The following STAU1 variants were observed in gnomAD, a reference collection of about 807,000 sequenced individuals.
STAU1 encodes staufen double-stranded RNA binding protein 1.
In STAU1, 13 loss-of-function variants were observed where a neutral mutation model predicts 62.9. The observed-to-expected ratio is 0.21, with a 90% confidence interval of 0.13 to 0.33. The LOEUF (loss-of-function observed/expected upper bound fraction) is 0.33. STAU1 is among the 10% of genes least tolerant of loss of function. The pLI, the probability that STAU1 is intolerant of heterozygous loss-of-function variation, is 1.00. For synonymous variants in STAU1, 269 were observed against 265.1 expected, an observed-to-expected ratio of 1.01 and a Z score of -0.14; for missense variants, 571 against 712.1, an observed-to-expected ratio of 0.80 and a Z score of 2.25.
chr20:49,206,155 T>G, the STAU1 span, among the ~76,000 whole-genome samples: 1 of 150,568 alleles, frequency 6.6e-6, no homozygotes, highest in East Asian at 2.0e-4. Flanking sequence ...GCTGATTTTT[T>G]TTTTTTTTTT....
chr20:49,177,560 T>A (rs1156650831), intron 1 of STAU1, among the ~76,000 whole-genome samples: 1 of 151,906 alleles, frequency 6.6e-6, no homozygotes, highest in Admixed American at 6.6e-5. Flanking sequence ...GCGCCTGTAG[T>A]CTCAGCTACT....
At chr20:49,135,526 C>T (rs2092859796) in intron 6 of STAU1, among the ~76,000 whole-genome samples, 1 of 152,154 alleles carries the variant, frequency 6.6e-6, no homozygotes, top group Non-Finnish European at 1.5e-5. Flanking sequence ...CTAGCCCCTC[C>T]ACCCTTCCCT....
the STAU1 span, among the ~76,000 whole-genome samples, chr20:49,194,564 C>T: frequency 6.6e-6 from 1 of 152,012 alleles, no homozygotes; most frequent in East Asian, 1.9e-4. Context: ...TTCGAGGCTG[C>T]AGAGAACTAT....
At chr20:49,170,543 G>C (rs2093583888) in intron 2 of STAU1, among the ~76,000 whole-genome samples, 1 of 151,998 alleles carries the variant, frequency 6.6e-6, no homozygotes, top group African/African-American at 2.4e-5. Flanking sequence ...AGTAGAAATG[G>C]GGTTTCACCA....
At position 49,114,912 on chromosome 20, in the gene STAU1, A is replaced by C. The variant is rs957345057; in HGVS notation, c.1719-19T>G. 1.9e-6 allele frequency: 3 copies of C among 1,612,200 alleles called. No individual in the cohort carries two copies. The African/African-American group carries it at 4.0e-5, about 22-fold the overall frequency. ...CCCACACCTTTAAGGAAGAAAAATG[A>C]AAATGACACTAGTTTTGAAATGTAA... On this transcript the variant is annotated intron_variant, in intron 13 of 13. Transcript: ENST00000371856.
Position 49,117,366 on chromosome 20 carries a change from A to C in STAU1, c.1510-118T>G. 1.5e-6 allele frequency: 2 copies of C among 1,319,772 alleles called. No homozygotes were observed. The highest frequency in any genetic ancestry group is 4.7e-5 in the East Asian group (2 of 42,988). 81.8% of individuals were successfully genotyped at this position (1,319,772 alleles called of 1,614,324 possible). A position where few individuals can be genotyped will look rare whatever the true frequency, so the allele number is the denominator to read the frequency against. On this transcript the variant is annotated intron_variant, in intron 11 of 13. Coordinates refer to ENST00000371856, the MANE Select transcript of STAU1 (RefSeq NM_017453.4). The surrounding 1 kb of genome is among the most constrained non-coding windows in gnomAD (Gnocchi z 4.6). ...CAGCTCTTTTTTCCAACTCAGCCCC[A>C]CTGTGGCCATACTAACACCTGCCCT...
the STAU1 span, among the ~76,000 whole-genome samples, chr20:49,196,313 G>A: frequency 6.6e-6 from 1 of 151,450 alleles, no homozygotes. Context: ...GCGGGCGCCT[G>A]TAGTCCCAGC....
chr20:49,183,114 T>C (rs1014601294), intron 1 of STAU1, among the ~76,000 whole-genome samples: 15 of 152,208 alleles, frequency 9.9e-5, no homozygotes, highest in African/African-American at 3.4e-4. Flanking sequence ...GAAAAGCTCA[T>C]GTAGAAAATT....
At chr20:49,151,827 T>C in intron 4 of STAU1, 80 bp from the exon 5 acceptor site, 2 of 1,274,342 alleles carry the variant, frequency 1.6e-6, no homozygotes, top group Non-Finnish European at 2.2e-6. Context: ...ATGCAAGTAT[T>C]TCCTTCATCA....
rs535094964 is a variant in STAU1, at chr20:49,171,387, C to T, written c.-85+2808G>A. On this transcript the variant is annotated intron_variant, in intron 2 of 13. Transcript: ENST00000371856. ...TCAGCTCACTGCAAGTTCCGCCTGC[C>T]AGGTTCACACCATTCTCCTGCCTCA... Among the ~76,000 whole-genome samples, 3 of 152,312 alleles carry T rather than the reference C, an allele frequency of 2.0e-5. No homozygotes were observed. In the East Asian group the frequency reaches 5.8e-4, roughly 29 times the overall value.
chr20:49,124,944 T>G (rs2092556563), intron 6 of STAU1, among the ~76,000 whole-genome samples: 1 of 151,300 alleles, frequency 6.6e-6, no homozygotes, highest in Admixed American at 6.6e-5. Context: ...AATGCTCAAG[T>G]TTAGTATCTG....
At chr20:49,141,594 C>T (rs1028333563) in intron 5 of STAU1, among the ~76,000 whole-genome samples, 1 of 152,172 alleles carries the variant, frequency 6.6e-6, no homozygotes, top group African/African-American at 2.4e-5. Flanking sequence ...AAGACTCCAT[C>T]TCAAAACACA....
chr20:49,134,527 C>A (rs909766979), intron 6 of STAU1: 24 of 1,260,042 alleles, frequency 1.9e-5, no homozygotes, highest in Non-Finnish European at 2.6e-5. Flanking sequence ...CCAAACTCAT[C>A]GGAAACATAG....
At chr20:49,153,361 G>T (rs111421511) in intron 4 of STAU1, among the ~76,000 whole-genome samples, 6 of 146,044 alleles carry the variant, frequency 4.1e-5, no homozygotes, top group African/African-American at 1.5e-4. Flanking sequence ...AGAAGTTCAA[G>T]ACCAGTCTGG....
At chr20:49,158,385 C>G in intron 3 of STAU1, 2 of 1,196,838 alleles carry the variant, frequency 1.7e-6, no homozygotes, top group Non-Finnish European at 2.2e-6. Context: ...ACCTGGATTT[C>G]AGTATGTCTA....
chr20:49,180,319 C>G (rs1286188627), intron 1 of STAU1, among the ~76,000 whole-genome samples: 5 of 86,910 alleles, frequency 5.8e-5, no homozygotes, highest in Admixed American at 5.1e-4. Flanking sequence ...GACTACAGTT[C>G]TTTTTTTTTT....
chr20:49,119,108 T>A (rs1439060311), intron 9 of STAU1, among the ~76,000 whole-genome samples: 1 of 152,182 alleles, frequency 6.6e-6, no homozygotes, highest in Admixed American at 6.5e-5. Flanking sequence ...GACCATTCAG[T>A]GATGGGAAAG....
In STAU1 at chr20:49,122,744, C is replaced by T. The variant is rs538669205; in HGVS notation, c.966+348G>A. ...CATCCTGGCCAACATGGCGAAACTCCGTCTCTGCTAAAAATACAAAAAATT... is the reference window on the plus strand; with the variant it reads ...CATCCTGGCCAACATGGCGAAACTCTGTCTCTGCTAAAAATACAAAAAATT... On this transcript the variant is annotated intron_variant, in intron 8 of 13. Transcript: ENST00000371856. 1.8e-3 allele frequency among the ~76,000 whole-genome samples: 281 copies of T among 151,946 alleles called. 1 individual carries two copies. The highest frequency in any genetic ancestry group is 0.014 in the South Asian group (69 of 4,818).
In STAU1 at chr20:49,117,911, A is replaced by G; in HGVS notation, c.1375T>C (p.Leu459=). The G allele has an allele frequency of 6.2e-7, 1 of 1,613,832 alleles. No homozygotes were observed. The highest frequency in any genetic ancestry group is 1.7e-5 in the Admixed American group (1 of 59,988). ...ATVTAMIARE[L]LYGGTSPTAE... ...GTGGGCGAGGTGCCCCCATACAACA[A>G]CTCTCGGGCTATCATGGCAGTTACC... Residue 459 remains leucine, a synonymous_variant, in exon 11 of 14, where the codon TTG becomes CTG. Transcript: ENST00000371856. The surrounding 1 kb of genome is among the most constrained non-coding windows in gnomAD (Gnocchi z 4.6).
Sources: allele counts gnomAD v4.1 joint callset (sites outside exome capture counted in the v4.1 genomes callset), GRCh38; gene constraint gnomAD v4.1.1; non-coding constraint Gnocchi (gnomAD v3.1); transcripts MANE v1.5; gene names NCBI Gene and HGNC (gene_info 2026-07-23, HGNC 2026-07-21).